Variants in FGF13 observed in about 807,000 individuals in gnomAD.
The protein encoded by FGF13 is fibroblast growth factor 13.
In FGF13, 2 loss-of-function variants were observed where a neutral mutation model predicts 19.5. The ratio of observed to expected loss-of-function variants is 0.10; its 90% confidence interval spans 0.04 to 0.32. FGF13 has a LOEUF of 0.32. FGF13 is among the 10% of genes least tolerant of loss of function. FGF13 has a pLI of 1.00. For synonymous variants in FGF13, 72 were observed against 76.9 expected (o/e 0.94, Z 0.33); for missense variants, 113 against 192.7 (o/e 0.59, Z 2.45).
At chrX:139,007,648 G>A (rs1229491381) in intron 1 of FGF13, among the ~76,000 whole-genome samples, 2 of 112,370 alleles carry the variant, frequency 1.8e-5, no homozygotes, top group African/African-American at 6.5e-5. Flanking sequence ...ATCAAGCATT[G>A]TGGTGGTCTA....
At chrX:138,756,483 C>T (rs1315906125) in intron 3 of FGF13, among the ~76,000 whole-genome samples, 1 of 112,625 alleles carries the variant, frequency 8.9e-6, no homozygotes. Context: ...ATGATTGCTC[C>T]TTCAGGCAGG....
chrX:139,158,173 G>A (rs1461615059), intron 1 of FGF13, among the ~76,000 whole-genome samples: 8 of 109,793 alleles, frequency 7.3e-5, no homozygotes, highest in Admixed American at 9.6e-5. Context: ...AGCACAAAAC[G>A]GTGCGGCCAT....
chrX:139,174,555 CTTGAG>C (rs1346019321), intron 1 of FGF13, among the ~76,000 whole-genome samples: 1 of 112,017 alleles, frequency 8.9e-6, no homozygotes, highest in Non-Finnish European at 1.9e-5. Flanking sequence ...TTTAATCCAT[CTTGAG>C]TTAATTTTTG....
intron 1 of FGF13, among the ~76,000 whole-genome samples, chrX:138,985,710 AG>A (rs1201980139): frequency 2.7e-5 from 3 of 112,145 alleles, no homozygotes; most frequent in East Asian, 5.6e-4. Flanking sequence ...CTTATCACTT[AG>A]TCTTAAAGAA....
In FGF13 at chrX:138,621,340, A is replaced by G. The variant is rs187598965; in HGVS notation, c.*11510T>C. On this transcript the variant is annotated 3_prime_UTR_variant, in exon 5 of 5. Transcript: ENST00000315930. ...AAAGGGAGGAAAACTGTAAAATTAA[A>G]CAATACACTCCTAAATAGCCAAAGA... The G allele has an allele frequency of 9.0e-6, 1 of 111,666 alleles. No individual in the cohort carries two copies. The highest frequency in any genetic ancestry group is 2.8e-4 in the East Asian group (1 of 3,573). 9.2% of individuals were successfully genotyped at this position (111,666 alleles called of 1,213,427 possible).
At chrX:139,203,434 G>GA (rs2084433387) in exon 1 of FGF13, 1 of 104,192 alleles carries the variant, frequency 9.6e-6, no homozygotes, top group Non-Finnish European at 2.0e-5. Context: ...GCGGCGTGTC[G>GA]AAGGGTGCAA....
chrX:139,141,624 A>G (rs1302347684), intron 1 of FGF13, among the ~76,000 whole-genome samples: 1 of 111,629 alleles, frequency 9.0e-6, no homozygotes, highest in African/African-American at 3.3e-5. Context: ...CTCCCTTCTC[A>G]TCATATAATG....
At position 138,632,731 on chromosome X, in the gene FGF13, C is replaced by G; in HGVS notation, c.*119G>C. 1 of 798,288 alleles carries G rather than the reference C, an allele frequency of 1.3e-6. No homozygotes were observed. Among genetic ancestry groups the G allele is most frequent in the Admixed American group, 2.7e-5 (1 of 37,216 alleles). 65.8% of individuals were successfully genotyped at this position (798,288 alleles called of 1,213,427 possible). A position where few individuals can be genotyped will look rare whatever the true frequency, so the allele number is the denominator to read the frequency against. ...TGGCAGATAGAATAGTGAACTCTGC[C>G]TGTTTGTTTGGTAAATGTCACTGAC... On this transcript the variant is annotated 3_prime_UTR_variant, in exon 5 of 5. Transcript: ENST00000315930.
chrX:138,771,361 A>G (rs2090544059), intron 3 of FGF13, among the ~76,000 whole-genome samples: 1 of 111,867 alleles, frequency 8.9e-6, no homozygotes, highest in Non-Finnish European at 1.9e-5. Context: ...TATAATTAGT[A>G]TATAGGTTTG....
intron 1 of FGF13, among the ~76,000 whole-genome samples, chrX:139,068,770 T>C (rs1020909511): frequency 1.8e-5 from 2 of 111,081 alleles, no homozygotes; most frequent in African/African-American, 6.6e-5. Context: ...AGTTCACTCA[T>C]GATTTGACTC....
intron 1 of FGF13, among the ~76,000 whole-genome samples, chrX:138,890,312 G>C (rs935698815): frequency 9.0e-6 from 1 of 111,564 alleles, no homozygotes; most frequent in Non-Finnish European, 1.9e-5. Context: ...TATTTTTGTA[G>C]TACCTGTTAT....
At chrX:138,718,171 T>G (rs1293128215) in intron 1 of FGF13, among the ~76,000 whole-genome samples, 1 of 112,306 alleles carries the variant, frequency 8.9e-6, no homozygotes, top group Non-Finnish European at 1.9e-5. Flanking sequence ...AAGGAACAAT[T>G]TCTATTTTAT....
intron 1 of FGF13, among the ~76,000 whole-genome samples, chrX:138,725,785 C>A (rs1243633739): frequency 9.0e-6 from 1 of 111,196 alleles, no homozygotes; most frequent in African/African-American, 3.3e-5. Flanking sequence ...GTTCCTCCCC[C>A]CCACAACCCT....
chrX:138,690,520 C>CT (rs1231229108), intron 3 of FGF13, among the ~76,000 whole-genome samples: 8 of 104,727 alleles, frequency 7.6e-5, no homozygotes, highest in South Asian at 4.2e-4. Flanking sequence ...AAGTGGGAGC[C>CT]TTTTTTTTTT....
Position 138,711,239 on chromosome X carries a change from G to A in FGF13, c.-236C>T. The A allele has an allele frequency of 9.9e-7, 1 of 1,012,629 alleles. No individual in the cohort carries two copies. Among genetic ancestry groups the A allele is most frequent in the South Asian group, 2.8e-5 (1 of 35,188 alleles). 83.5% of individuals were successfully genotyped at this position (1,012,629 alleles called of 1,213,427 possible). On this transcript the variant is annotated 5_prime_UTR_variant, in exon 1 of 5. Coordinates refer to ENST00000315930, the MANE Select transcript of FGF13 (RefSeq NM_004114.5). ...GCGCGGGCTGCTGGCTGCCTGGGTC[G>A]GAGTCGACGCCACAGCCCCGGGCCC...
Position 138,971,845 on chromosome X carries a change from C to T in FGF13, c.-112-107195G>A, listed in dbSNP as rs192412335. 5.4e-5 allele frequency among the ~76,000 whole-genome samples: 6 copies of T among 111,630 alleles called. No homozygotes were observed. The East Asian group carries it at 1.7e-3, about 31-fold the overall frequency. On this transcript the variant is annotated intron_variant, in intron 1 of 2. Transcript: ENST00000421460. ...CTGTAACTTCATACCCATCGATCAA[C>T]CTCTCCCCAGTAGTGGTTACCCAAG...
chrX:138,812,426 T>C (rs2090933056), intron 3 of FGF13, among the ~76,000 whole-genome samples: 1 of 111,361 alleles, frequency 9.0e-6, no homozygotes, highest in Admixed American at 9.6e-5. Context: ...TTGTTTTGAA[T>C]AGTCTTTGGT....
intron 1 of FGF13, among the ~76,000 whole-genome samples, chrX:138,875,898 T>C (rs1282533052): frequency 9.0e-6 from 1 of 111,362 alleles, no homozygotes; most frequent in Non-Finnish European, 1.9e-5. Flanking sequence ...TCAGCTCTTC[T>C]GCATCTCTAG....
chrX:138,633,588 A>G (rs142339260), intron 4 of FGF13, among the ~76,000 whole-genome samples: 432 of 112,304 alleles, frequency 3.8e-3, no homozygotes, highest in African/African-American at 0.013. Flanking sequence ...ACACTTCAAG[A>G]GTCTAAGTAT....
Sources: gnomAD v4.1 joint callset for allele counts (sites outside exome capture counted in the v4.1 genomes callset) on GRCh38, gnomAD v4.1.1 for gene constraint, MANE v1.5 for transcripts, NCBI Gene and HGNC (gene_info 2026-07-23, HGNC 2026-07-21) for gene names.